Variants in ZNF16 observed in about 807,000 individuals in gnomAD.
ZNF16 encodes zinc finger protein 16, also known as zinc finger protein KOX9.
Under a neutral mutation model 9.0 loss-of-function variants are expected in ZNF16, and 7 were observed. That is an observed-to-expected ratio of 0.78 (90% CI 0.44 to 1.47). The LOEUF is 1.47. Among genes scored for constraint, ZNF16 ranks in the 40% most tolerant of loss-of-function variants. ZNF16 has a pLI of 0.01. For missense variants in ZNF16, 830 were observed against 854.2 expected (o/e 0.97, Z 0.35); for synonymous variants, 312 against 301.5 (o/e 1.03, Z -0.36).
At position 144,932,161 on chromosome 8, in the gene ZNF16, A is replaced by G. The variant is rs1833567226; in HGVS notation, c.626T>C (p.Leu209Pro). Reference protein sequence around the residue: ...HEGVPTAESPLICNECGKTFQ... With the variant: ...HEGVPTAESPPICNECGKTFQ... ...GGTTTTCCCACACTCATTACATATG[A>G]GTGGACTTTCAGCTGTGGGAACCCC... The change falls in exon 3 of 3, where the codon CTC becomes CCC. Residue 209 changes from leucine to proline, a missense_variant. Leu to Pro is a moderately conservative substitution (Grantham distance 98). Coordinates refer to ENST00000394909, the MANE Select transcript of ZNF16 (RefSeq NM_006958.3). The surrounding 1 kb of genome is among the most constrained non-coding windows in gnomAD (Gnocchi z 5.0). 1 of 1,614,182 alleles carries G rather than the reference A, an allele frequency of 6.2e-7. No homozygotes were observed. The highest frequency in any genetic ancestry group is 8.5e-7 in the Non-Finnish European group (1 of 1,180,036).
chr8:144,939,686 G>A (rs1342493456), intron 2 of ZNF16, among the ~76,000 whole-genome samples: 1 of 151,630 alleles, frequency 6.6e-6, no homozygotes, highest in African/African-American at 2.4e-5. Flanking sequence ...TCTGTTAGAG[G>A]TCTGTTCTGA....
chr8:144,949,155 C>T (rs546198456), intron 1 of ZNF16, among the ~76,000 whole-genome samples: 1 of 152,346 alleles, frequency 6.6e-6, no homozygotes, highest in African/African-American at 2.4e-5. Flanking sequence ...AGCCAGCCAC[C>T]ACCCTCCCAT....
intron 2 of ZNF16, among the ~76,000 whole-genome samples, chr8:144,935,509 G>T (rs1202525699): frequency 6.6e-6 from 1 of 152,068 alleles, no homozygotes; most frequent in Admixed American, 6.6e-5. Flanking sequence ...CCCGGCCAAA[G>T]AACATCTTTT....
At chr8:144,936,949 C>T (rs949975431) in intron 2 of ZNF16, among the ~76,000 whole-genome samples, 2 of 152,102 alleles carry the variant, frequency 1.3e-5, no homozygotes, top group African/African-American at 4.8e-5. Context: ...CCTGCCTTGG[C>T]CTCCCAAAGT....
Position 144,931,805 on chromosome 8 carries a change from T to C in ZNF16, c.982A>G (p.Lys328Glu). The change falls in exon 3 of 3, where the codon AAG (lysine) becomes GAG (glutamate). Residue 328 changes from lysine to glutamate, a missense_variant. Coordinates refer to ENST00000394909, the MANE Select transcript of ZNF16 (RefSeq NM_006958.3). Reference sequence around the variant, plus strand: ...AGGTTTGAGCTCCGCCTAAAAGCCTTCCCACATTCATTGCATTCATAGGGC... The same window carrying C: ...AGGTTTGAGCTCCGCCTAAAAGCCTCCCCACATTCATTGCATTCATAGGGC... ...EKPYECNECGKAFRRSSNLIQ... is the reference protein window; with the variant it reads ...EKPYECNECGEAFRRSSNLIQ... The C allele has an allele frequency of 1.9e-6, 3 of 1,614,214 alleles. No individual in the cohort carries two copies. Among genetic ancestry groups the C allele is most frequent in the Non-Finnish European group, 2.5e-6 (3 of 1,180,044 alleles).
chr8:144,947,022 C>T (rs1833968756), intron 1 of ZNF16, among the ~76,000 whole-genome samples: 1 of 118,092 alleles, frequency 8.5e-6, no homozygotes, highest in Admixed American at 9.0e-5. Flanking sequence ...CTGTATCCTG[C>T]TGTTGGGCCT....
chr8:144,936,383 T>G (rs1453042967), intron 2 of ZNF16, among the ~76,000 whole-genome samples: 1 of 152,224 alleles, frequency 6.6e-6, no homozygotes, highest in East Asian at 1.9e-4. Context: ...ATGATATGCA[T>G]GTACTTGTTT....
In ZNF16 at chr8:144,946,127, G is replaced by A. The variant is rs1172474619; in HGVS notation, c.80C>T (p.Ala27Val). The A allele has an allele frequency of 5.6e-6, 9 of 1,605,896 alleles. No individual in the cohort carries two copies. Among genetic ancestry groups the A allele is most frequent in the South Asian group, 1.1e-5 (1 of 90,550 alleles). ...VPGPSPWTPA[A>V]QARVRDAPAV... Reference sequence around the variant, plus strand: ...AGGAGCATCTCTCACACGGGCCTGGGCTGCAGGGGTCCAGGGGGATGGTCC... The same window carrying A: ...AGGAGCATCTCTCACACGGGCCTGGACTGCAGGGGTCCAGGGGGATGGTCC... Residue 27 changes from alanine to valine, a missense_variant, in exon 2 of 3, where the codon GCC (alanine) becomes GTC (valine). Coordinates refer to ENST00000394909, the MANE Select transcript of ZNF16 (RefSeq NM_006958.3).
At chr8:144,943,812 G>A (rs181444288) in intron 2 of ZNF16, among the ~76,000 whole-genome samples, 9 of 152,118 alleles carry the variant, frequency 5.9e-5, no homozygotes, top group East Asian at 5.8e-4. Context: ...GAGCCACAAC[G>A]CCCAGCCATT....
intron 1 of ZNF16, among the ~76,000 whole-genome samples, chr8:144,950,169 GGC>G (rs1834069815): frequency 6.6e-6 from 1 of 151,662 alleles, no homozygotes; most frequent in Admixed American, 6.6e-5. Context: ...ACTTAATTAT[GGC>G]ACAGATTCTT....
intron 2 of ZNF16, among the ~76,000 whole-genome samples, chr8:144,934,539 C>T (rs1011895805): frequency 1.3e-5 from 2 of 152,254 alleles, no homozygotes; most frequent in Non-Finnish European, 2.9e-5. Flanking sequence ...GTGGCATCTA[C>T]ATGCTGCTGG....
chr8:144,945,924 C>T (rs776495470), intron 2 of ZNF16, 87 bp downstream of exon 2: 47 of 1,543,882 alleles, frequency 3.0e-5, no homozygotes, highest in Admixed American at 5.2e-5. Context: ...TGTGATGACA[C>T]AGATGCCTCC....
At position 144,950,820 on chromosome 8, in the gene ZNF16, G is replaced by A. The variant is rs1029572884; in HGVS notation, c.-33C>T. The A allele has an allele frequency of 1.3e-5, 2 of 152,252 alleles. No individual in the cohort carries two copies. Among genetic ancestry groups the A allele is most frequent in the Admixed American group, 6.5e-5 (1 of 15,282 alleles). The allele number at this position is 152,252 out of a possible 1,614,324, so 9.4% of individuals were successfully genotyped here. A position where few individuals can be genotyped will look rare whatever the true frequency, so the allele number is the denominator to read the frequency against. On this transcript the variant is annotated 5_prime_UTR_variant, in exon 1 of 3. Transcript: ENST00000394909. ...ACCTCAACGGGTCGCGCTTGGAAAG[G>A]AGGCAGCACCGTGGCACGAAGACGT...
At chr8:144,950,132 C>T (rs4925851) in intron 1 of ZNF16, among the ~76,000 whole-genome samples, 2 of 151,658 alleles carry the variant, frequency 1.3e-5, no homozygotes, top group African/African-American at 4.8e-5. Context: ...GCCTACGTGC[C>T]CATCCAGGCA....
At chr8:144,934,283 A>G (rs990419846) in intron 2 of ZNF16, among the ~76,000 whole-genome samples, 1 of 152,210 alleles carries the variant, frequency 6.6e-6, no homozygotes, top group African/African-American at 2.4e-5. Context: ...TGCCACTTTC[A>G]GCCAGAACAC....
chr8:144,939,053 T>G (rs1306069418), intron 2 of ZNF16, among the ~76,000 whole-genome samples: 3 of 152,214 alleles, frequency 2.0e-5, no homozygotes, highest in Non-Finnish European at 4.4e-5. Context: ...GGTTTTCTTA[T>G]GTTGAACCAC....
rs1586959309 is a variant in ZNF16, at chr8:144,946,061, C to G, written c.146G>C (p.Cys49Ser). 4 of 1,613,708 alleles carry G rather than the reference C, an allele frequency of 2.5e-6. No homozygotes were observed. The highest frequency in any genetic ancestry group is 2.2e-5 in the East Asian group (1 of 44,880). ...HPGSAACGTP[C>S]CSDTELEAIC... ...GGCTTCCAGCTCAGTATCACTACAG[C>G]AGGGGGTACCACAGGCTGCAGATCC... Residue 49 changes from cysteine (C) to serine (S), a missense_variant, in exon 2 of 3, where the codon TGC (cysteine) becomes TCC (serine). By Grantham distance (112) the Cys-to-Ser change is moderately radical. Transcript: ENST00000394909.
rs1213887881 is a variant in ZNF16, at chr8:144,932,388, C to T, written c.399G>A (p.Glu133=). The change falls in exon 3 of 3, where the codon GAG becomes GAA. Residue 133 remains glutamate, a synonymous_variant. Coordinates refer to ENST00000394909, the MANE Select transcript of ZNF16 (RefSeq NM_006958.3). The surrounding 1 kb of genome is among the most constrained non-coding windows in gnomAD (Gnocchi z 5.0). Reference sequence around the variant, plus strand: ...CCATGGCAGCTGGTGTGAAGTCCCCCTCCTGGGAGAGGGACTGTGGCAGCC... The same window carrying T: ...CCATGGCAGCTGGTGTGAAGTCCCCTTCCTGGGAGAGGGACTGTGGCAGCC... ...GRRLPQSLSQ[E]GDFTPAAMGL... 1.9e-6 allele frequency: 3 copies of T among 1,614,202 alleles called. No homozygotes were observed. The South Asian group carries it at 3.3e-5, about 18-fold the overall frequency.
chr8:144,937,726 T>C (rs964499831), intron 2 of ZNF16, among the ~76,000 whole-genome samples: 1 of 152,344 alleles, frequency 6.6e-6, no homozygotes, highest in Admixed American at 6.5e-5. Context: ...CTATTCAAGC[T>C]GGAGTGCAGT....
Sources: gnomAD v4.1 joint callset for allele counts (sites outside exome capture counted in the v4.1 genomes callset) on GRCh38, gnomAD v4.1.1 for gene constraint, Gnocchi (gnomAD v3.1) non-coding constraint, MANE v1.5 for transcripts, NCBI Gene and HGNC (gene_info 2026-07-23, HGNC 2026-07-21) for gene names.